The following CAPRIN1 variants were observed in gnomAD, a reference collection of about 807,000 sequenced individuals.
The protein encoded by CAPRIN1 is caprin-1.
A neutral mutation model predicts 100.9 loss-of-function variants in CAPRIN1; 29 were observed. The ratio of observed to expected loss-of-function variants is 0.29; its 90% CI spans 0.21 to 0.39. The LOEUF is 0.39. Among genes scored for constraint, CAPRIN1 ranks in the 10% least tolerant of loss-of-function variants. The probability of loss-of-function intolerance (pLI) is 1.00; values close to 1 mark genes in which losing one functional copy is unlikely to be tolerated. For synonymous variants in CAPRIN1, 338 were observed against 307.5 expected (o/e 1.10, Z -1.04); for missense variants, 795 against 876.7 (o/e 0.91, Z 1.18).
At chr11:34,083,545 C>G (rs1340851523) in intron 9 of CAPRIN1, among the ~76,000 whole-genome samples, 3 of 152,180 alleles carry the variant, frequency 2.0e-5, no homozygotes, top group East Asian at 3.8e-4. Context: ...CCATCCTATT[C>G]ATTGTCACAA....
chr11:34,098,736 G>A (rs1410052560), intron 18 of CAPRIN1: 2 of 985,282 alleles, frequency 2.0e-6, no homozygotes, highest in African/African-American at 3.5e-5. Flanking sequence ...TTCGATGAAA[G>A]TTGAGTTAAC....
chr11:34,063,992 T>C (rs1590723414), intron 2 of CAPRIN1, among the ~76,000 whole-genome samples: 1 of 152,140 alleles, frequency 6.6e-6, no homozygotes, highest in Admixed American at 6.5e-5. Context: ...GGTCTTGAAC[T>C]CCTGACCTCA....
chr11:34,086,206 A>G lies in CAPRIN1; in HGVS notation c.1109A>G (p.Tyr370Cys). 1 of 1,614,042 alleles carries G rather than the reference A, an allele frequency of 6.2e-7. No individual in the cohort carries two copies. The highest frequency in any genetic ancestry group is 8.5e-7 in the Non-Finnish European group (1 of 1,179,904). The stretch of plus-strand genomic sequence containing the variant: ...CTTATGGCACAAATGCAGGGTCCCT[A>G]TAATTTCATACAGGTATGTTCATTT... ...QDLMAQMQGP[Y>C]NFIQDSMLDF... is the part of the protein sequence containing the mutation. Residue 370 changes from tyrosine to cysteine, a missense_variant, in exon 10 of 19, where the codon TAT (tyrosine) becomes TGT (cysteine). Tyr to Cys is a radical substitution (Grantham distance 194, BLOSUM62 -2). Transcript: ENST00000341394.
chr11:34,059,261 C>T (rs949741474), intron 2 of CAPRIN1, among the ~76,000 whole-genome samples: 4 of 150,428 alleles, frequency 2.7e-5, no homozygotes, highest in Admixed American at 6.6e-5. Flanking sequence ...CTGTACACTT[C>T]TTGACATTGT....
At chr11:34,061,139 A>T (rs1032654585) in intron 2 of CAPRIN1, among the ~76,000 whole-genome samples, 4 of 151,966 alleles carry the variant, frequency 2.6e-5, no homozygotes, top group Non-Finnish European at 2.9e-5. Context: ...TTGTGAAACT[A>T]AACTCCTGGA....
rs573873017 is a variant in CAPRIN1, at chr11:34,101,928, CAT to C, written c.*2562_*2563del. On this transcript the variant is annotated 3_prime_UTR_variant, in exon 19 of 19. Transcript: ENST00000341394. Reference sequence around the variant, plus strand: ...TGTATATGCATAATATAAATCATCTCATGTGGATATGAAACTTCTTTTTTAAA... The same window carrying C: ...TGTATATGCATAATATAAATCATCTCGTGGATATGAAACTTCTTTTTTAAA... Among the ~76,000 whole-genome samples, 44 of 152,202 alleles carry C rather than the reference CAT, an allele frequency of 2.9e-4. No individual in the cohort carries two copies. Among genetic ancestry groups the C allele is most frequent in the East Asian group, 1.2e-3 (6 of 5,184 alleles).
chr11:34,059,089 G>T (rs1850518699), intron 2 of CAPRIN1, among the ~76,000 whole-genome samples: 1 of 152,146 alleles, frequency 6.6e-6, no homozygotes, highest in South Asian at 2.1e-4. Flanking sequence ...CTCTACTACA[G>T]TGCTTTTGTT....
chr11:34,071,705 C>T, intron 2 of CAPRIN1, 21 bp from the exon 3 acceptor site: 6 of 1,574,550 alleles, frequency 3.8e-6, no homozygotes, highest in Non-Finnish European at 5.2e-6. Flanking sequence ...GAATGTAATT[C>T]TTTTTTTTCT....
In CAPRIN1 at chr11:34,096,571, A is replaced by G; in HGVS notation, c.1798A>G (p.Ser600Gly). 1 of 1,614,164 alleles carries G rather than the reference A, an allele frequency of 6.2e-7. No individual in the cohort carries two copies. Among genetic ancestry groups the G allele is most frequent in the Non-Finnish European group, 8.5e-7 (1 of 1,179,994 alleles). Residue 600 changes from serine (S) to glycine (G), a missense_variant, in exon 16 of 19, where the codon AGC becomes GGC. Ser to Gly is a moderately conservative substitution (Grantham distance 56). Around this residue, in one of 3 missense-constraint regions of CAPRIN1, gnomAD observed 648 missense variants for 697.9 expected, o/e 0.93. Coordinates refer to ENST00000341394, the MANE Select transcript of CAPRIN1 (RefSeq NM_005898.5). Reference sequence around the variant, plus strand: ...TCAGCAGAACACTGGATTTCCACGTAGCAATCAGCCCTATTACAATAGTCG... The same window carrying G: ...TCAGCAGAACACTGGATTTCCACGTGGCAATCAGCCCTATTACAATAGTCG... ...PPQQNTGFPR[S>G]NQPYYNSRGV... is the part of the protein sequence containing the mutation.
chr11:34,097,618 T>C, intron 17 of CAPRIN1, 80 bp from the exon 18 acceptor site: 1 of 1,492,284 alleles, frequency 6.7e-7, no homozygotes, highest in South Asian at 1.1e-5. Context: ...GAATTCTGTA[T>C]TGAGTGTTAG....
rs1851453561 is a variant in CAPRIN1, at chr11:34,101,487, A to C, written c.*2120A>C. On this transcript the variant is annotated 3_prime_UTR_variant, in exon 19 of 19. Coordinates refer to ENST00000341394, the MANE Select transcript of CAPRIN1 (RefSeq NM_005898.5). ...TTTCAGAGAAGGGATGGGGGAGAAA[A>C]TGCCTTCTAGGTTTTGAACTTCTAT... Among the ~76,000 whole-genome samples the C allele has an allele frequency of 6.6e-6, 1 of 152,220 alleles. No individual in the cohort carries two copies. Among genetic ancestry groups the C allele is most frequent in the African/African-American group, 2.4e-5 (1 of 41,456 alleles).
intron 12 of CAPRIN1, 82 bp downstream of exon 12, chr11:34,089,538 G>A: frequency 1.3e-6 from 1 of 767,468 alleles, no homozygotes; most frequent in Non-Finnish European, 2.2e-6. Flanking sequence ...AGGCTGAGAT[G>A]GGAGGATCAC....
At chr11:34,080,939 T>C (rs558188187) in intron 7 of CAPRIN1, among the ~76,000 whole-genome samples, 1 of 152,232 alleles carries the variant, frequency 6.6e-6, no homozygotes, top group Admixed American at 6.5e-5. Context: ...CTTACCACTT[T>C]ACTAAGTAAA....
intron 7 of CAPRIN1, among the ~76,000 whole-genome samples, chr11:34,079,980 G>A (rs1173043421): frequency 7.0e-6 from 1 of 143,442 alleles, no homozygotes. Context: ...CTGGAGTGCA[G>A]TGGCGTGATC....
At chr11:34,072,498 T>C (rs1256467373) in intron 4 of CAPRIN1, among the ~76,000 whole-genome samples, 1 of 152,238 alleles carries the variant, frequency 6.6e-6, no homozygotes, top group Non-Finnish European at 1.5e-5. Context: ...ATGTTCCTTA[T>C]GTCTAATGAC....
In CAPRIN1 at chr11:34,102,258, T is replaced by A. The variant is rs1169356739; in HGVS notation, c.*2891T>A. Among the ~76,000 whole-genome samples, 1 of 152,148 alleles carries A rather than the reference T, an allele frequency of 6.6e-6. No homozygotes were observed. The highest frequency in any genetic ancestry group is 1.5e-5 in the Non-Finnish European group (1 of 68,008). On this transcript the variant is annotated 3_prime_UTR_variant, in exon 19 of 19. Coordinates refer to ENST00000341394, the MANE Select transcript of CAPRIN1 (RefSeq NM_005898.5). Reference sequence around the variant, plus strand: ...AGTTGAGCAGTCAGCTTCCTAAGTGTTTTAGGACATTTGTTCATTATATTT... The same window carrying A: ...AGTTGAGCAGTCAGCTTCCTAAGTGATTTAGGACATTTGTTCATTATATTT...
chr11:34,081,777 C>T (rs1851035565), intron 7 of CAPRIN1, among the ~76,000 whole-genome samples: 1 of 152,098 alleles, frequency 6.6e-6, no homozygotes, highest in Non-Finnish European at 1.5e-5. Context: ...AGATTATAGG[C>T]GTGAGCCACC....
Position 34,064,954 on chromosome 11 carries a change from GTTTTTTTTTTTTTTT to G in CAPRIN1, c.217-6763_217-6749del, listed in dbSNP as rs10551006. Among the ~76,000 whole-genome samples, 4 of 63,158 alleles carry G rather than the reference GTTTTTTTTTTTTTTT, an allele frequency of 6.3e-5. No homozygotes were observed. In the South Asian group the frequency reaches 3.1e-3, roughly 48 times the overall value. The allele number at this position is 63,158 out of a possible 152,430, so 41.4% of individuals were successfully genotyped here. A position where few individuals can be genotyped will look rare whatever the true frequency, so the allele number is the denominator to read the frequency against. On this transcript the variant is annotated intron_variant, in intron 2 of 18. Coordinates refer to ENST00000341394, the MANE Select transcript of CAPRIN1 (RefSeq NM_005898.5). Reference sequence around the variant, plus strand: ...TCCAAATTAAAGCTGCTGTATAATGGTTTTTTTTTTTTTTTTTTTTTTTGAGATGGAGTCTCGCTC... The same window carrying G: ...TCCAAATTAAAGCTGCTGTATAATGGTTTTTTTTGAGATGGAGTCTCGCTC...
chr11:34,070,940 G>T lies in CAPRIN1; in HGVS notation c.217-786G>T, dbSNP rs555230931. On this transcript the variant is annotated intron_variant, in intron 2 of 18. Coordinates refer to ENST00000341394, the MANE Select transcript of CAPRIN1 (RefSeq NM_005898.5). ...TGGTCTCGAGCTCCTGACCTCAGGT[G>T]ATCCGCCCACCTTGGCCTCCCAAAG... Among the ~76,000 whole-genome samples, 400 of 152,202 alleles carry T rather than the reference G, an allele frequency of 2.6e-3. 2 individuals carry two copies. Among genetic ancestry groups the T allele is most frequent in the African/African-American group, 9.3e-3 (386 of 41,538 alleles).
Sources: gnomAD v4.1 joint callset for allele counts (sites outside exome capture counted in the v4.1 genomes callset) on GRCh38, gnomAD v4.1.1 for gene constraint, gnomAD v4.1.1 regional missense constraint, MANE v1.5 for transcripts, NCBI Gene and HGNC (gene_info 2026-07-23, HGNC 2026-07-21) for gene names.